SEMA6D: variants seen among roughly 807,000 people sequenced by gnomAD.
SEMA6D encodes semaphorin-6D.
Under a neutral mutation model 106.6 loss-of-function variants are expected in SEMA6D, and 35 were observed. That is an observed-to-expected ratio of 0.33 (90% CI 0.25 to 0.44). The LOEUF is 0.44. Among genes scored for constraint, SEMA6D ranks in the 20% least tolerant of loss-of-function variants. SEMA6D has a pLI of 1.00. For missense variants in SEMA6D, 1,185 were observed against 1,345.9 expected (o/e 0.88, Z 1.87); for synonymous variants, 499 against 487.7 (o/e 1.02, Z -0.31).
At chr15:47,264,275 C>T (rs2034212619) in intron 1 of SEMA6D, among the ~76,000 whole-genome samples, 1 of 151,466 alleles carries the variant, frequency 6.6e-6, no homozygotes, top group Non-Finnish European at 1.5e-5. Flanking sequence ...ATACTCTGTA[C>T]AACAAACCCC....
In SEMA6D at chr15:47,283,709, C is replaced by T. The variant is rs189423900; in HGVS notation, c.-239+99291C>T. 2.0e-3 allele frequency among the ~76,000 whole-genome samples: 306 copies of T among 152,270 alleles called. 2 individuals are homozygous for T. The highest frequency in any genetic ancestry group is 6.9e-3 in the African/African-American group (286 of 41,552). The stretch of plus-strand genomic sequence containing the variant: ...AGCTGGAGACAATTTGAGGCTACAC[C>T]AGAAACACAGCAAGCACACCAGCTT... On this transcript the variant is annotated intron_variant, in intron 1 of 19. Transcript: ENST00000558014.
intron 1 of SEMA6D, among the ~76,000 whole-genome samples, chr15:47,277,580 A>G (rs1295650209): frequency 1.9e-5 from 2 of 107,362 alleles, no homozygotes; most frequent in East Asian, 2.4e-4. Context: ...TAAGGTATGT[A>G]TATTATTATT....
chr15:47,697,311 A>T (rs982115438), intron 4 of SEMA6D, among the ~76,000 whole-genome samples: 1 of 152,168 alleles, frequency 6.6e-6, no homozygotes, highest in South Asian at 2.1e-4. Context: ...ATATCTTGAT[A>T]GGAATTCTGG....
chr15:47,770,433 A>G (rs927714115), intron 18 of SEMA6D, 64 bp from the exon 19 acceptor site: 58 of 1,394,678 alleles, frequency 4.2e-5, no homozygotes, highest in Middle Eastern at 3.9e-4. Context: ...ACTGAAAGCC[A>G]TTTGCTATTT....
At chr15:47,763,328 G>GT (rs886481599) in intron 9 of SEMA6D, among the ~76,000 whole-genome samples, 7 of 151,906 alleles carry the variant, frequency 4.6e-5, no homozygotes, top group Non-Finnish European at 2.9e-5. Context: ...AGAAGGTATC[G>GT]TTTTTTTTCC....
intron 2 of SEMA6D, among the ~76,000 whole-genome samples, chr15:47,438,457 G>T (rs150940545): frequency 6.6e-6 from 1 of 151,964 alleles, no homozygotes; most frequent in South Asian, 2.1e-4. Context: ...GCCAACATCC[G>T]TGTAACAGCC....
At chr15:47,693,817 G>C (rs953267141) in intron 4 of SEMA6D, among the ~76,000 whole-genome samples, 10 of 152,016 alleles carry the variant, frequency 6.6e-5, no homozygotes, top group Admixed American at 4.6e-4. Flanking sequence ...ATTCATACCT[G>C]TTGTCCCAGC....
chr15:47,284,366 G>C (rs972042266), intron 1 of SEMA6D, among the ~76,000 whole-genome samples: 19 of 152,176 alleles, frequency 1.2e-4, no homozygotes, highest in Non-Finnish European at 2.8e-4. Flanking sequence ...CTGCAGTTGT[G>C]GTCATATGTC....
intron 1 of SEMA6D, among the ~76,000 whole-genome samples, chr15:47,754,598 A>G (rs1277474952): frequency 6.6e-6 from 1 of 152,148 alleles, no homozygotes; most frequent in Non-Finnish European, 1.5e-5. Flanking sequence ...CATTTTTACT[A>G]TGATGTGTCT....
intron 1 of SEMA6D, among the ~76,000 whole-genome samples, chr15:47,401,395 A>G (rs992143084): frequency 1.3e-5 from 2 of 152,176 alleles, no homozygotes; most frequent in South Asian, 2.1e-4. Context: ...TACTAATACC[A>G]TTTTATAGAT....
chr15:47,564,426 C>T (rs2046170389), intron 3 of SEMA6D, among the ~76,000 whole-genome samples: 1 of 152,050 alleles, frequency 6.6e-6, no homozygotes, highest in Admixed American at 6.5e-5. Flanking sequence ...ATCCCCAGTC[C>T]CTTATCTGCA....
At chr15:47,526,864 G>A (rs1341558398) in intron 3 of SEMA6D, among the ~76,000 whole-genome samples, 3 of 152,056 alleles carry the variant, frequency 2.0e-5, no homozygotes, top group African/African-American at 7.3e-5. Context: ...AGCCTCCCGA[G>A]TAGCTGAGAT....
chr15:47,518,896 T>A (rs2044476466), intron 3 of SEMA6D, among the ~76,000 whole-genome samples: 1 of 148,678 alleles, frequency 6.7e-6, no homozygotes, highest in Non-Finnish European at 1.5e-5. Context: ...TTGCAGTTAA[T>A]TTTTTTTTAT....
chr15:47,468,193 G>A, intron 2 of SEMA6D, among the ~76,000 whole-genome samples: 1 of 152,078 alleles, frequency 6.6e-6, no homozygotes. Context: ...GTGTGTGTGT[G>A]TATGTGTGTT....
intron 3 of SEMA6D, among the ~76,000 whole-genome samples, chr15:47,593,156 G>A (rs1433778542): frequency 2.6e-5 from 4 of 152,056 alleles, no homozygotes; most frequent in African/African-American, 7.2e-5. Context: ...TATAATCCCA[G>A]CACTTTGGGA....
rs1428252189 is a variant in SEMA6D, at chr15:47,367,430, T to C, written c.-238-44963T>C. 4.6e-5 allele frequency among the ~76,000 whole-genome samples: 7 copies of C among 152,324 alleles called. No individual in the cohort carries two copies. The South Asian group carries it at 8.3e-4, about 18-fold the overall frequency. On this transcript the variant is annotated intron_variant, in intron 1 of 19. Transcript: ENST00000558014. ...AAATCAGAAGATAATCAGCAAATCC[T>C]AAGTATTTTGTCTTCTCACATCAAT...
chr15:47,535,677 C>CAA (rs199988144), intron 3 of SEMA6D, among the ~76,000 whole-genome samples: 9 of 142,716 alleles, frequency 6.3e-5, no homozygotes, highest in African/African-American at 2.3e-4. Flanking sequence ...GACAAAAATA[C>CAA]AAAAAAAAAA....
At chr15:47,322,408 T>C (rs1595729534) in intron 1 of SEMA6D, among the ~76,000 whole-genome samples, 2 of 152,242 alleles carry the variant, frequency 1.3e-5, no homozygotes, top group Middle Eastern at 3.4e-3. Context: ...TTTTATGATC[T>C]TGATACCTTT....
chr15:47,338,038 A>G (rs145185955), intron 1 of SEMA6D, among the ~76,000 whole-genome samples: 1 of 152,316 alleles, frequency 6.6e-6, no homozygotes, highest in African/African-American at 2.4e-5. Flanking sequence ...AAAATAGCTC[A>G]CTAGTTCTGC....
Sources: allele counts gnomAD v4.1 joint callset (sites outside exome capture counted in the v4.1 genomes callset), GRCh38; gene constraint gnomAD v4.1.1; transcripts MANE v1.5; gene names NCBI Gene and HGNC (gene_info 2026-07-23, HGNC 2026-07-21).